The following UBQLN1 variants were observed in gnomAD, a reference collection of about 807,000 sequenced individuals.
The protein encoded by UBQLN1 is ubiquilin 1.
A neutral mutation model predicts 65.4 loss-of-function variants in UBQLN1; 13 were observed. The ratio of observed to expected loss-of-function variants is 0.20; its 90% CI spans 0.13 to 0.32. The LOEUF (loss-of-function observed/expected upper bound fraction) is 0.32. UBQLN1 is among the 10% of genes least tolerant of loss of function. The probability of loss-of-function intolerance (pLI) is 1.00; values close to 1 mark genes in which losing one functional copy is unlikely to be tolerated. For synonymous variants in UBQLN1, 267 were observed against 247.8 expected (o/e 1.08, Z -0.73); for missense variants, 561 against 724.0 (o/e 0.77, Z 2.58).
Position 83,677,858 on chromosome 9 carries a change from G to C in UBQLN1, c.974C>G (p.Ala325Gly). The C allele has an allele frequency of 6.2e-7, 1 of 1,614,144 alleles. No individual in the cohort carries two copies. The highest frequency in any genetic ancestry group is 8.5e-7 in the Non-Finnish European group (1 of 1,180,022). Residue 325 changes from alanine (A) to glycine (G), a missense_variant, in exon 6 of 11, where the codon GCT becomes GGT. Coordinates refer to ENST00000376395, the MANE Select transcript of UBQLN1 (RefSeq NM_013438.5). ...TGATGAACTCTGGGAAGTCTGTGGA[G>C]CCCATGGATTGGGTAGTGGATCTCT... ...ENRDPLPNPW[A>G]PQTSQSSSAS...
At chr9:83,690,220 A>C (rs1466770667) in intron 1 of UBQLN1, among the ~76,000 whole-genome samples, 1 of 152,236 alleles carries the variant, frequency 6.6e-6, no homozygotes, top group Non-Finnish European at 1.5e-5. Context: ...ACTGTAAAAT[A>C]AACTATAGTA....
At chr9:83,684,002 CAG>C (rs1234623995) in intron 2 of UBQLN1, among the ~76,000 whole-genome samples, 6 of 151,908 alleles carry the variant, frequency 3.9e-5, no homozygotes, top group African/African-American at 1.2e-4. Context: ...GCCTGGGTGA[CAG>C]AGAGAGACTC....
chr9:83,704,643 G>A (rs1054610051), intron 1 of UBQLN1, among the ~76,000 whole-genome samples: 1 of 152,036 alleles, frequency 6.6e-6, no homozygotes, highest in Non-Finnish European at 1.5e-5. Flanking sequence ...TGGCCAACAT[G>A]GTGAAACCCT....
chr9:83,692,047 C>A (rs912938467), intron 1 of UBQLN1, among the ~76,000 whole-genome samples: 1 of 152,206 alleles, frequency 6.6e-6, no homozygotes, highest in Admixed American at 6.5e-5. Flanking sequence ...AAAAAATATA[C>A]AAAACTTGGA....
rs1161404806 is a variant in UBQLN1 at position 83,661,057 on chromosome 9, G to A, written c.*730C>T. 1 of 152,170 alleles carries A rather than the reference G, an allele frequency of 6.6e-6. No individual in the cohort carries two copies. 9.4% of individuals were successfully genotyped at this position (152,170 alleles called of 1,614,324 possible). On this transcript the variant is annotated 3_prime_UTR_variant, in exon 11 of 11. Transcript: ENST00000376395. ...ATGTTGAGACAATGTTACATTATGT[G>A]TCTGTACAATTAATTGTCCTTAAAG...
chr9:83,678,465 T>C lies in UBQLN1; in HGVS notation c.846A>G (p.Pro282=). ...CCTGCTCTTGTGCAGCACTCAGCATTGGTTCCTGAATATCTGTGTACATGC... is the reference window on the plus strand; with the variant it reads ...CCTGCTCTTGTGCAGCACTCAGCATCGGTTCCTGAATATCTGTGTACATGC... ...LRRMYTDIQE[P]MLSAAQEQFG... The change falls in exon 5 of 11, where the codon CCA becomes CCG. Residue 282 remains proline, a synonymous_variant. Transcript: ENST00000376395. 6.2e-7 allele frequency: 1 copy of C among 1,613,418 alleles called. No homozygotes were observed. Among genetic ancestry groups the C allele is most frequent in the Non-Finnish European group, 8.5e-7 (1 of 1,179,760 alleles).
intron 6 of UBQLN1, among the ~76,000 whole-genome samples, chr9:83,671,922 T>C (rs1564161813): frequency 6.6e-6 from 1 of 152,202 alleles, no homozygotes; most frequent in African/African-American, 2.4e-5. Flanking sequence ...AACTGGTTGT[T>C]TCATGTGGCC....
intron 7 of UBQLN1, chr9:83,667,340 T>C (rs1331790564): frequency 2.0e-5 from 4 of 204,566 alleles, no homozygotes; most frequent in African/African-American, 7.1e-5. Flanking sequence ...GATTTACTGA[T>C]AGCCTATTTA....
chr9:83,681,850 C>T (rs1831945279), intron 3 of UBQLN1, among the ~76,000 whole-genome samples: 2 of 152,196 alleles, frequency 1.3e-5, no homozygotes, highest in African/African-American at 4.8e-5. Context: ...GTCTCTTCTG[C>T]CGTGTTCCAA....
chr9:83,695,469 C>T, intron 1 of UBQLN1, among the ~76,000 whole-genome samples: 1 of 152,212 alleles, frequency 6.6e-6, no homozygotes, highest in East Asian at 1.9e-4. Flanking sequence ...AAGTGCTGGA[C>T]TTAAAGGCGT....
intron 1 of UBQLN1, among the ~76,000 whole-genome samples, chr9:83,703,765 T>G (rs61218358): frequency 0.039 from 5,988 of 152,280 alleles, 403 homozygotes; most frequent in African/African-American, 0.14. Context: ...AAGCTTAAGC[T>G]TTATTAGTAA....
At chr9:83,673,545 TTAAAAA>T (rs1378920993) in intron 6 of UBQLN1, among the ~76,000 whole-genome samples, 1 of 67,992 alleles carries the variant, frequency 1.5e-5, no homozygotes, top group African/African-American at 7.3e-5. Context: ...ACTCGGTCTT[TTAAAAA>T]AAAAAAAAAA....
intron 1 of UBQLN1, 91 bp from the exon 2 acceptor site, chr9:83,686,246 A>G: frequency 1.3e-6 from 1 of 798,220 alleles, no homozygotes; most frequent in Non-Finnish European, 1.9e-6. Context: ...GGCCCCTACT[A>G]CAGACGCTAC....
chr9:83,698,921 A>G (rs567685101), intron 1 of UBQLN1, among the ~76,000 whole-genome samples: 1 of 152,196 alleles, frequency 6.6e-6, no homozygotes, highest in Admixed American at 6.5e-5. Context: ...TCAAAAAAAA[A>G]AAAAAAAGTA....
intron 4 of UBQLN1, among the ~76,000 whole-genome samples, chr9:83,679,241 C>G (rs1051713460): frequency 6.6e-6 from 1 of 152,212 alleles, no homozygotes; most frequent in Non-Finnish European, 1.5e-5. Context: ...TTCGAAATGA[C>G]CCATCTGCTT....
chr9:83,676,162 T>C (rs1300182538), intron 6 of UBQLN1, among the ~76,000 whole-genome samples: 3 of 152,238 alleles, frequency 2.0e-5, no homozygotes, highest in African/African-American at 7.2e-5. Context: ...CATATATGTA[T>C]GCATCAAATG....
At chr9:83,687,999 G>A (rs1026004463) in intron 1 of UBQLN1, among the ~76,000 whole-genome samples, 1 of 152,060 alleles carries the variant, frequency 6.6e-6, no homozygotes, top group Non-Finnish European at 1.5e-5. Flanking sequence ...AATCTTCACA[G>A]AACACCATTT....
intron 1 of UBQLN1, among the ~76,000 whole-genome samples, chr9:83,700,312 A>C (rs1377493964): frequency 4.6e-5 from 7 of 152,162 alleles, no homozygotes; most frequent in Non-Finnish European, 1.0e-4. Flanking sequence ...CTTAAGAGGA[A>C]GCTTCCACAA....
intron 1 of UBQLN1, among the ~76,000 whole-genome samples, chr9:83,688,006 A>T (rs954410649): frequency 7.9e-5 from 12 of 152,148 alleles, no homozygotes; most frequent in African/African-American, 2.9e-4. Flanking sequence ...ACAGAACACC[A>T]TTTGCATGAT....
Sources: gnomAD v4.1 joint callset for allele counts (sites outside exome capture counted in the v4.1 genomes callset) on GRCh38, gnomAD v4.1.1 for gene constraint, MANE v1.5 for transcripts, NCBI Gene and HGNC (gene_info 2026-07-23, HGNC 2026-07-21) for gene names.